The following ARFGAP1 variants were observed in gnomAD, a reference collection of about 807,000 sequenced individuals.
ARFGAP1 encodes the protein ADP-ribosylation factor GTPase-activating protein 1.
A neutral mutation model predicts 54.0 loss-of-function variants in ARFGAP1; 26 were observed. The observed-to-expected ratio is 0.48, with a 90% CI of 0.35 to 0.67. The LOEUF is 0.67. Ranked by LOEUF, ARFGAP1 falls within the 30% of genes least tolerant of loss-of-function variation. ARFGAP1 has a pLI of 0.00. For missense variants in ARFGAP1, 525 were observed against 535.8 expected (o/e 0.98, Z 0.20); for synonymous variants, 248 against 211.9 (o/e 1.17, Z -1.48).
chr20:63,288,812 C>T lies in ARFGAP1; in HGVS notation c.*939C>T, dbSNP rs572982086. The T allele has an allele frequency of 6.3e-5, 21 of 330,898 alleles. No homozygotes were observed. The highest frequency in any genetic ancestry group is 9.8e-5 in the South Asian group (4 of 40,794). The allele number at this position is 330,898 out of a possible 1,614,324, so 20.5% of individuals were successfully genotyped here. A position where few individuals can be genotyped will look rare whatever the true frequency, so the allele number is the denominator to read the frequency against. On this transcript the variant is annotated 3_prime_UTR_variant, in exon 13 of 13. Coordinates refer to ENST00000370283, the MANE Select transcript of ARFGAP1 (RefSeq NM_018209.4). ...CCGAGGACTGGATGATGTGCTGCCA[C>T]GTGTGACTCGTCTCCCTTGTCTGCC... is the stretch of plus-strand genomic sequence containing the variant.
At chr20:63,286,107 T>TC (rs774962385) in intron 11 of ARFGAP1, 22 of 1,549,748 alleles carry the variant, frequency 1.4e-5, no homozygotes, top group Middle Eastern at 1.7e-4. Context: ...GCCTCGCTCC[T>TC]CCCCCCCAAG....
intron 4 of ARFGAP1, 39 bp from the exon 5 acceptor site, chr20:63,277,166 C>T (rs1357248166): frequency 9.5e-6 from 15 of 1,573,994 alleles, no homozygotes; most frequent in African/African-American, 4.1e-5. Flanking sequence ...CATCGCCAGG[C>T]GCCTTTATGC....
intron 12 of ARFGAP1, 117 bp downstream of exon 12, chr20:63,286,559 G>A: frequency 2.0e-6 from 2 of 1,020,948 alleles, no homozygotes; most frequent in Non-Finnish European, 2.9e-6. Context: ...GCACTGTGGA[G>A]GCTCTCCGGG....
At chr20:63,280,648 A>G (rs977111481) in intron 7 of ARFGAP1, among the ~76,000 whole-genome samples, 6 of 152,196 alleles carry the variant, frequency 3.9e-5, no homozygotes, top group African/African-American at 1.4e-4. Context: ...TCATTGCTAC[A>G]TCTTTAGGGA....
intron 9 of ARFGAP1, 135 bp from the exon 10 acceptor site, chr20:63,284,731 C>T (rs1297562964): frequency 1.3e-6 from 2 of 1,504,898 alleles, no homozygotes; most frequent in Non-Finnish European, 1.8e-6. Context: ...GTTTCCTGCT[C>T]CCTGCGCTTG....
rs1189544898 is a variant in ARFGAP1, at chr20:63,285,667, A to C, written c.788A>C (p.Lys263Thr). 2 of 1,613,566 alleles carry C rather than the reference A, an allele frequency of 1.2e-6. No homozygotes were observed. Among genetic ancestry groups the C allele is most frequent in the African/African-American group, 1.3e-5 (1 of 74,924 alleles). The change falls in exon 11 of 13, where the codon AAG becomes ACG. Residue 263 changes from lysine to threonine, a missense_variant. Lys to Thr is a moderately conservative substitution (Grantham distance 78). This residue lies in a region of ARFGAP1 where 466 missense variants were observed against 453.6 expected (regional missense o/e 1.03). Transcript: ENST00000370283. ...TCATCCGTGCAGGTGAAGGAGGGAA[A>C]GATTTTTGATGATGTCTCCAGTGGG... ...KPAQEKVKEG[K>T]IFDDVSSGVS...
At chr20:63,275,286 A>T (rs530613513) in intron 1 of ARFGAP1, among the ~76,000 whole-genome samples, 3 of 152,298 alleles carry the variant, frequency 2.0e-5, no homozygotes, top group South Asian at 2.1e-4. Context: ...TAACTGGTGC[A>T]GTCTTGGTGA....
rs531181225 is a variant in ARFGAP1 at position 63,288,896 on chromosome 20, C to T, written c.*1023C>T. ...GCGCCCGAAGCTCGTGCAGTTTGTACGTGAGGTGCTCTCCTCCCTGCCACC... is the reference window on the plus strand; with the variant it reads ...GCGCCCGAAGCTCGTGCAGTTTGTATGTGAGGTGCTCTCCTCCCTGCCACC... On this transcript the variant is annotated 3_prime_UTR_variant, in exon 13 of 13. Coordinates refer to ENST00000370283, the MANE Select transcript of ARFGAP1 (RefSeq NM_018209.4). The T allele has an allele frequency of 2.7e-5, 7 of 259,254 alleles. No individual in the cohort carries two copies. Among genetic ancestry groups the T allele is most frequent in the South Asian group, 9.0e-5 (2 of 22,292 alleles). The allele number at this position is 259,254 out of a possible 1,614,324, so 16.1% of individuals were successfully genotyped here. A position where few individuals can be genotyped will look rare whatever the true frequency, so the allele number is the denominator to read the frequency against.
chr20:63,284,958 C>A, intron 10 of ARFGAP1, 36 bp downstream of exon 10: 2 of 1,607,838 alleles, frequency 1.2e-6, no homozygotes, highest in South Asian at 1.1e-5. Flanking sequence ...GCCTGGAGCC[C>A]TTCACTCCAG....
At chr20:63,283,078 T>G in intron 9 of ARFGAP1, 2 of 579,658 alleles carry the variant, frequency 3.5e-6, no homozygotes, top group South Asian at 4.1e-5. Flanking sequence ...TCGTTTCCTG[T>G]TCACTGGTAG....
At position 63,287,862 on chromosome 20, in the gene ARFGAP1, C is replaced by A; in HGVS notation, c.1210C>A (p.Gln404Lys). ...GCCCACTGATGATGGCTGGGACAAC[C>A]AGAACTGGTAGGGCCCACTGCGCCC... ...AVPTDDGWDNQNW is the reference protein window; with the variant it reads ...AVPTDDGWDNKNW The change falls in exon 13 of 13, where the codon CAG becomes AAG. Residue 404 changes from glutamine to lysine, a missense_variant. Coordinates refer to ENST00000370283, the MANE Select transcript of ARFGAP1 (RefSeq NM_018209.4). The A allele has an allele frequency of 6.5e-7, 1 of 1,547,936 alleles. No individual in the cohort carries two copies. The highest frequency in any genetic ancestry group is 8.7e-7 in the Non-Finnish European group (1 of 1,145,950).
Position 63,287,800 on chromosome 20 carries a change from G to A in ARFGAP1, c.1148G>A (p.Gly383Asp), listed in dbSNP as rs772307388. ...AACAGCAACAGCGACGGCGGGGAGG[G>A]CGGGGAGGGCACCAAGAAGGCAGTG... ...NRNSNSDGGE[G>D]GEGTKKAVPP... The change falls in exon 13 of 13, where the codon GGC becomes GAC. Residue 383 changes from glycine to aspartate, a missense_variant. This residue lies in a region of ARFGAP1 where 466 missense variants were observed against 453.6 expected (regional missense o/e 1.03). Coordinates refer to ENST00000370283, the MANE Select transcript of ARFGAP1 (RefSeq NM_018209.4). The A allele has an allele frequency of 1.9e-5, 31 of 1,598,690 alleles. No individual in the cohort carries two copies. In the Admixed American group the frequency reaches 5.2e-4, roughly 27 times the overall value.
chr20:63,275,196 G>T (rs895457046), intron 1 of ARFGAP1, among the ~76,000 whole-genome samples: 1 of 152,210 alleles, frequency 6.6e-6, no homozygotes, highest in African/African-American at 2.4e-5. Flanking sequence ...GTGGAAAATC[G>T]AATTTTGCAG....
chr20:63,276,108 C>A lies in ARFGAP1; in HGVS notation c.78C>A (p.Gly26=), dbSNP rs781585036. Reference sequence around the variant, plus strand: ...CTTTGCAGGTTTGTTTTGAGTGTGGCGCGTTCAATCCTCAGTGGGTCAGTG... The same window carrying A: ...CTTTGCAGGTTTGTTTTGAGTGTGGAGCGTTCAATCCTCAGTGGGTCAGTG... ...QDENNVCFEC[G]AFNPQWVSVT... The change falls in exon 3 of 13, where the codon GGC becomes GGA. Residue 26 remains glycine (G), a synonymous_variant. Coordinates refer to ENST00000370283, the MANE Select transcript of ARFGAP1 (RefSeq NM_018209.4). This position sits in a 1 kb window ranked among gnomAD's most constrained non-coding sequence, Gnocchi z 5.2. The A allele has an allele frequency of 6.2e-7, 1 of 1,613,982 alleles. No individual in the cohort carries two copies. The highest frequency in any genetic ancestry group is 8.5e-7 in the Non-Finnish European group (1 of 1,180,012).
intron 9 of ARFGAP1, chr20:63,283,053 C>T: frequency 1.7e-6 from 1 of 602,358 alleles, no homozygotes; most frequent in Non-Finnish European, 2.9e-6. Flanking sequence ...CCACTCAGGG[C>T]CTGCAGGGCC....
chr20:63,277,447 A>C, intron 5 of ARFGAP1, 142 bp downstream of exon 5: 1 of 718,266 alleles, frequency 1.4e-6, no homozygotes, highest in Non-Finnish European at 2.1e-6. Context: ...GCTTTTTAAA[A>C]TTGCCAAAAC....
At chr20:63,274,735 G>A (rs1284390125) in intron 1 of ARFGAP1, among the ~76,000 whole-genome samples, 2 of 152,134 alleles carry the variant, frequency 1.3e-5, no homozygotes, top group African/African-American at 4.8e-5. Context: ...CCCCCTTGAC[G>A]CTGGGGTTGG....
At chr20:63,286,968 C>T in intron 12 of ARFGAP1, 1 of 163,816 alleles carries the variant, frequency 6.1e-6, no homozygotes, top group Non-Finnish European at 1.3e-5. Flanking sequence ...AAGCTGGCTG[C>T]TGTTCTCGGC....
At chr20:63,278,281 T>C (rs1227201824) in intron 6 of ARFGAP1, 78 bp downstream of exon 6, 4 of 1,473,384 alleles carry the variant, frequency 2.7e-6, no homozygotes, top group South Asian at 1.1e-5. Context: ...GCTGCTTCCC[T>C]TGGGGCCTCC....
Sources: gnomAD v4.1 joint callset for allele counts (sites outside exome capture counted in the v4.1 genomes callset) on GRCh38, gnomAD v4.1.1 for gene constraint, gnomAD v4.1.1 regional missense constraint, Gnocchi (gnomAD v3.1) non-coding constraint, MANE v1.5 for transcripts, NCBI Gene and HGNC (gene_info 2026-07-23, HGNC 2026-07-21) for gene names.